The following GRIK1 variants were observed in gnomAD, a reference collection of about 807,000 sequenced individuals.
The protein encoded by GRIK1 is glutamate receptor ionotropic, kainate 1.
Under a neutral mutation model 105.7 loss-of-function variants are expected in GRIK1, and 69 were observed. The observed-to-expected ratio is 0.65, with a 90% CI of 0.54 to 0.80. The LOEUF is 0.80. Ranked by LOEUF, GRIK1 falls within the 30% of genes least tolerant of loss-of-function variation. The probability of loss-of-function intolerance (pLI) is 0.00; values close to 1 mark genes in which losing one functional copy is unlikely to be tolerated. For synonymous variants in GRIK1, 438 were observed against 431.3 expected (o/e 1.02, Z -0.19); for missense variants, 1,109 against 1,167.3 (o/e 0.95, Z 0.73).
intron 1 of GRIK1, among the ~76,000 whole-genome samples, chr21:29,794,690 T>C (rs2066509201): frequency 6.6e-6 from 1 of 152,326 alleles, no homozygotes; most frequent in South Asian, 2.1e-4. Context: ...CAGAATAATG[T>C]AGTTGGGTTT....
chr21:29,618,631 G>A (rs1200972449), intron 7 of GRIK1, among the ~76,000 whole-genome samples: 9 of 152,124 alleles, frequency 5.9e-5, no homozygotes, highest in Non-Finnish European at 1.5e-5. Context: ...CAATCAACGA[G>A]TGAATAAAGA....
intron 1 of GRIK1, among the ~76,000 whole-genome samples, chr21:29,842,964 G>A (rs527355482): frequency 1.3e-5 from 2 of 152,176 alleles, no homozygotes; most frequent in Admixed American, 1.3e-4. Context: ...GGATATTTGA[G>A]TATGTTTCCT....
chr21:29,857,517 G>C (rs1470740920), intron 1 of GRIK1, among the ~76,000 whole-genome samples: 1 of 152,136 alleles, frequency 6.6e-6, no homozygotes, highest in Admixed American at 6.5e-5. Context: ...TGAAAACAGT[G>C]AGTTAAAACA....
At chr21:29,575,697 T>C (rs2090874785) in intron 14 of GRIK1, among the ~76,000 whole-genome samples, 1 of 152,064 alleles carries the variant, frequency 6.6e-6, no homozygotes, top group Non-Finnish European at 1.5e-5. Context: ...CCAGGTGTGG[T>C]GGCAGGCACC....
chr21:29,827,099 A>G (rs776580671), intron 1 of GRIK1, among the ~76,000 whole-genome samples: 1 of 152,158 alleles, frequency 6.6e-6, no homozygotes, highest in East Asian at 1.9e-4. Flanking sequence ...GTTCAAACTC[A>G]TCTTCAATTA....
chr21:29,766,783 G>T (rs570179193), intron 1 of GRIK1, among the ~76,000 whole-genome samples: 1 of 151,742 alleles, frequency 6.6e-6, no homozygotes, highest in African/African-American at 2.4e-5. Context: ...CCCCAGGGCC[G>T]CATGTACTTT....
chr21:29,773,757 T>C (rs2065872162), intron 1 of GRIK1, among the ~76,000 whole-genome samples: 1 of 152,222 alleles, frequency 6.6e-6, no homozygotes, highest in Non-Finnish European at 1.5e-5. Context: ...GGCAAAGGGA[T>C]GAGGGGGTTG....
chr21:29,780,078 TATACCTATCTCATAAATAG>T (rs1391377989), intron 1 of GRIK1, among the ~76,000 whole-genome samples: 2 of 152,222 alleles, frequency 1.3e-5, no homozygotes, highest in African/African-American at 4.8e-5. Flanking sequence ...CGGGGCTAAT[TATACCTATCTCATAAATAG>T]ATACTACCTC....
At chr21:29,899,095 A>G (rs1569201471) in intron 1 of GRIK1, among the ~76,000 whole-genome samples, 2 of 152,212 alleles carry the variant, frequency 1.3e-5, no homozygotes, top group Non-Finnish European at 2.9e-5. Flanking sequence ...TTCTTTTTAA[A>G]TGATTTACCA....
At chr21:29,762,194 G>T (rs926735149) in intron 1 of GRIK1, among the ~76,000 whole-genome samples, 4 of 152,170 alleles carry the variant, frequency 2.6e-5, no homozygotes, top group Admixed American at 2.6e-4. Context: ...GATTTCTCTA[G>T]TTAACAGATA....
At chr21:29,623,994 G>A (rs2062065916) in intron 7 of GRIK1, among the ~76,000 whole-genome samples, 1 of 152,160 alleles carries the variant, frequency 6.6e-6, no homozygotes, top group African/African-American at 2.4e-5. Flanking sequence ...GTATAATGAT[G>A]CTATGATTTT....
chr21:29,848,737 A>AGTTGTGTGTGTG (rs2068205837), intron 1 of GRIK1, among the ~76,000 whole-genome samples: 1 of 137,986 alleles, frequency 7.2e-6, no homozygotes, highest in Non-Finnish European at 1.6e-5. Context: ...GGTTCCTTAA[A>AGTTGTGTGTGTG]TAGACCAAGT....
intron 16 of GRIK1, among the ~76,000 whole-genome samples, chr21:29,547,146 G>A (rs972975324): frequency 2.6e-5 from 4 of 152,144 alleles, no homozygotes; most frequent in African/African-American, 9.7e-5. Context: ...GCTCATTAAG[G>A]TCAAGAACAA....
chr21:29,750,761 A>G (rs1009652010), intron 1 of GRIK1, among the ~76,000 whole-genome samples: 1 of 152,228 alleles, frequency 6.6e-6, no homozygotes, highest in Non-Finnish European at 1.5e-5. Flanking sequence ...TGATACTGAT[A>G]TATCAAATAA....
chr21:29,816,275 T>G (rs1327338193), intron 1 of GRIK1, among the ~76,000 whole-genome samples: 3 of 152,056 alleles, frequency 2.0e-5, no homozygotes, highest in African/African-American at 7.2e-5. Flanking sequence ...AGAATGGCTA[T>G]CATCAAAAAG....
At chr21:29,651,871 C>G (rs924586382) in intron 5 of GRIK1, among the ~76,000 whole-genome samples, 2 of 151,714 alleles carry the variant, frequency 1.3e-5, no homozygotes, top group Non-Finnish European at 2.9e-5. Context: ...TAGATTAAAA[C>G]AAAATGGCAG....
In GRIK1 at chr21:29,752,004, T is replaced by C. The variant is rs139626136; in HGVS notation, c.119-57941A>G. 7.2e-5 allele frequency among the ~76,000 whole-genome samples: 11 copies of C among 152,358 alleles called. 1 individual carries two copies. Among genetic ancestry groups the C allele is most frequent in the African/African-American group, 2.6e-4 (11 of 41,588 alleles). ...ATGGTTAGCATATGTTGTCTCAGTA[T>C]AGAAAATCTGAATTAAAATGCTAAG... On this transcript the variant is annotated intron_variant, in intron 1 of 17. Transcript: ENST00000327783.
At chr21:29,581,096 TG>T (rs1490929639) in intron 13 of GRIK1, among the ~76,000 whole-genome samples, 1 of 152,088 alleles carries the variant, frequency 6.6e-6, no homozygotes, top group Admixed American at 6.6e-5. Flanking sequence ...TGCTGACTCG[TG>T]GAGTTATGGC....
At chr21:29,830,359 ACACT>A (rs1249089934) in intron 1 of GRIK1, among the ~76,000 whole-genome samples, 1,145 of 61,232 alleles carry the variant, frequency 0.019, 14 homozygotes, top group East Asian at 0.18. Context: ...ACACACACAC[ACACT>A]CACACACATA....
Sources: allele counts gnomAD v4.1 joint callset (sites outside exome capture counted in the v4.1 genomes callset), GRCh38; gene constraint gnomAD v4.1.1; transcripts MANE v1.5; gene names NCBI Gene and HGNC (gene_info 2026-07-23, HGNC 2026-07-21).